The following HERC3 variants were observed in gnomAD, a reference collection of about 807,000 sequenced individuals.
The protein encoded by HERC3 is probable E3 ubiquitin-protein ligase HERC3.
HERC3 carries 58 observed loss-of-function variants against 129.9 expected under a neutral mutation model. The ratio of observed to expected loss-of-function variants is 0.45; its 90% CI spans 0.36 to 0.56. The LOEUF (loss-of-function observed/expected upper bound fraction) is 0.56. Ranked by LOEUF, HERC3 falls within the 20% of genes least tolerant of loss-of-function variation. The probability of loss-of-function intolerance (pLI) is 0.00; values close to 1 mark genes in which losing one functional copy is unlikely to be tolerated. For synonymous variants in HERC3, 430 were observed against 451.0 expected (o/e 0.95, Z 0.59); for missense variants, 835 against 1,244.2 (o/e 0.67, Z 4.95).
At chr4:88,588,121 T>G (rs1252917962), upstream of HERC3, among the ~76,000 whole-genome samples, 2 of 152,264 alleles carry the variant, frequency 1.3e-5, no homozygotes, top group African/African-American at 2.4e-5. Context: ...GGTAAGATTC[T>G]TATGCTTCAT....
chr4:88,691,170 A>C (rs1360687814), intron 23 of HERC3, among the ~76,000 whole-genome samples: 1 of 152,194 alleles, frequency 6.6e-6, no homozygotes, highest in Non-Finnish European at 1.5e-5. Flanking sequence ...TTTTGATTGC[A>C]TTTTACTGTG....
chr4:88,660,355 C>A (rs1730362617), intron 10 of HERC3, among the ~76,000 whole-genome samples: 1 of 152,094 alleles, frequency 6.6e-6, no homozygotes, highest in Admixed American at 6.5e-5. Context: ...GCGTCCGCTA[C>A]CATGCCTGGG....
chr4:88,641,231 C>T (rs1425881867), intron 3 of HERC3, among the ~76,000 whole-genome samples: 1 of 152,112 alleles, frequency 6.6e-6, no homozygotes, highest in African/African-American at 2.4e-5. Context: ...GAGGAAGTCT[C>T]AAGGGAAATC....
In HERC3 at chr4:88,676,199, T is replaced by C. The variant is rs746107703; in HGVS notation, c.1912-19T>C. ...GGTTTACAATTTAAGTAAGAGACTTTTTATTTTTCTTTACACAGAAGGCTA... is the reference window on the plus strand; with the variant it reads ...GGTTTACAATTTAAGTAAGAGACTTCTTATTTTTCTTTACACAGAAGGCTA... On this transcript the variant is annotated intron_variant, in intron 16 of 25. Coordinates refer to ENST00000402738, the MANE Select transcript of HERC3 (RefSeq NM_014606.3). The C allele has an allele frequency of 6.5e-7, 1 of 1,530,176 alleles. No homozygotes were observed. Among genetic ancestry groups the C allele is most frequent in the South Asian group, 1.2e-5 (1 of 86,136 alleles). 94.8% of individuals were successfully genotyped at this position (1,530,176 alleles called of 1,614,324 possible). A position where few individuals can be genotyped will look rare whatever the true frequency, so the allele number is the denominator to read the frequency against.
In HERC3 at chr4:88,605,861, G is replaced by T. The variant is rs867671166; in HGVS notation, c.38G>T (p.Gly13Val). 6.2e-7 allele frequency: 1 copy of T among 1,614,090 alleles called. No individual in the cohort carries two copies. The highest frequency in any genetic ancestry group is 8.5e-7 in the Non-Finnish European group (1 of 1,180,046). ...GGATATTGGTCTCTGGGCCAACCTG[G>T]TATCAGCACCAACCTGCAGGGAATT... The part of the protein sequence containing the change: ...CWGYWSLGQP[G>V]ISTNLQGIVA... The change falls in exon 3 of 26, where the codon GGT becomes GTT. Residue 13 changes from glycine to valine, a missense_variant. Gly to Val is a moderately radical substitution (Grantham distance 109, BLOSUM62 -3). Transcript: ENST00000402738.
At chr4:88,671,772 C>T (rs1181285656) in intron 16 of HERC3, among the ~76,000 whole-genome samples, 1 of 152,102 alleles carries the variant, frequency 6.6e-6, no homozygotes, top group Admixed American at 6.5e-5. Context: ...GATTCACCAG[C>T]CTCGGCCTCC....
the HERC3 span, among the ~76,000 whole-genome samples, chr4:88,544,673 T>G: frequency 3.3e-5 from 5 of 152,212 alleles, no homozygotes. Flanking sequence ...CCAACCCAAT[T>G]GTCCATCAAT....
chr4:88,679,946 A>G (rs771150981), intron 19 of HERC3, 147 bp from the exon 20 acceptor site: 203 of 602,840 alleles, frequency 3.4e-4, no homozygotes, highest in Admixed American at 3.3e-3. Flanking sequence ...TAATCAACAG[A>G]CACACCTTGC....
the HERC3 span, among the ~76,000 whole-genome samples, chr4:88,554,906 T>C: frequency 6.6e-6 from 1 of 152,188 alleles, no homozygotes; most frequent in African/African-American, 2.4e-5. Flanking sequence ...GGCTTACTCA[T>C]GCTAATGTTT....
chr4:88,606,648 A>G (rs1222191322), intron 3 of HERC3, among the ~76,000 whole-genome samples: 1 of 152,204 alleles, frequency 6.6e-6, no homozygotes, highest in Non-Finnish European at 1.5e-5. Flanking sequence ...GGTGAAAGGC[A>G]TGTTTCACAT....
At chr4:88,694,691 G>A (rs984282645) in intron 23 of HERC3, among the ~76,000 whole-genome samples, 1 of 152,170 alleles carries the variant, frequency 6.6e-6, no homozygotes, top group African/African-American at 2.4e-5. Context: ...TGTGATAAAA[G>A]TTAATTTGGG....
intron 3 of HERC3, among the ~76,000 whole-genome samples, chr4:88,610,667 T>C (rs1724213602): frequency 6.6e-6 from 1 of 152,112 alleles, no homozygotes; most frequent in South Asian, 2.1e-4. Flanking sequence ...AGTCAGTTGC[T>C]CAGATATGCC....
intron 2 of HERC3, among the ~76,000 whole-genome samples, chr4:88,601,464 A>G (rs1262582282): frequency 1.3e-5 from 2 of 152,242 alleles, no homozygotes; most frequent in Non-Finnish European, 2.9e-5. Flanking sequence ...CTGACTTTGC[A>G]TAGAAGAGCC....
the HERC3 span, among the ~76,000 whole-genome samples, chr4:88,525,762 A>G: frequency 6.6e-6 from 1 of 152,238 alleles, no homozygotes; most frequent in Non-Finnish European, 1.5e-5. Context: ...TCAAAGCAAT[A>G]TGTCCCTAAA....
At chr4:88,606,630 T>C (rs1723670071) in intron 3 of HERC3, among the ~76,000 whole-genome samples, 2 of 152,176 alleles carry the variant, frequency 1.3e-5, no homozygotes, top group South Asian at 2.1e-4. Flanking sequence ...CTCACAATCA[T>C]GGCAGAAGGT....
intron 3 of HERC3, among the ~76,000 whole-genome samples, chr4:88,631,067 A>T (rs1270658223): frequency 2.6e-5 from 4 of 152,220 alleles, no homozygotes; most frequent in Non-Finnish European, 5.9e-5. Context: ...CTTTAAGAAG[A>T]ACATATATTC....
At chr4:88,556,217 G>T in the HERC3 span, among the ~76,000 whole-genome samples, 11,468 of 152,148 alleles carry the variant, frequency 0.075, 604 homozygotes, top group East Asian at 0.27. Flanking sequence ...TGTTACATAG[G>T]AGGTGCCCTG....
At chr4:88,665,227 G>A (rs1386953288) in intron 12 of HERC3, among the ~76,000 whole-genome samples, 2 of 152,218 alleles carry the variant, frequency 1.3e-5, no homozygotes, top group African/African-American at 4.8e-5. Context: ...TGATTATGGA[G>A]GTTGAGAGAT....
Position 88,658,430 on chromosome 4 carries a change from A to T in HERC3, c.1085A>T (p.His362Leu). 6.3e-7 allele frequency: 1 copy of T among 1,592,224 alleles called. No individual in the cohort carries two copies. The highest frequency in any genetic ancestry group is 8.6e-7 in the Non-Finnish European group (1 of 1,168,074). Residue 362 changes from histidine (H) to leucine (L), a missense_variant, in exon 10 of 26, where the codon CAT becomes CTT. His to Leu is a moderately conservative substitution (Grantham distance 99). Coordinates refer to ENST00000402738, the MANE Select transcript of HERC3 (RefSeq NM_014606.3). Reference protein sequence around the residue: ...LSARADRFKYHIVKQIFSGGD... With the variant: ...LSARADRFKYLIVKQIFSGGD... ...TTTTTGACAGATCGCTTTAAATATC[A>T]TATCGTTAAGCAGATCTTCTCTGGA...
Sources: gnomAD v4.1 joint callset for allele counts (sites outside exome capture counted in the v4.1 genomes callset) on GRCh38, gnomAD v4.1.1 for gene constraint, MANE v1.5 for transcripts, NCBI Gene and HGNC (gene_info 2026-07-23, HGNC 2026-07-21) for gene names.